Variants in OTOF observed in about 807,000 individuals in gnomAD.
OTOF encodes otoferlin.
OTOF carries 218 observed loss-of-function variants against 236.8 expected under a neutral mutation model. That is an observed-to-expected ratio of 0.92 (90% CI 0.82 to 1.03). The LOEUF is 1.03. Among genes scored for constraint, OTOF ranks in the 50% least tolerant of loss-of-function variants. The probability of loss-of-function intolerance (pLI) is 0.00; values close to 1 mark genes in which losing one functional copy is unlikely to be tolerated. For missense variants in OTOF, 2,590 were observed against 2,694.4 expected, an observed-to-expected ratio of 0.96 and a Z score of 0.86; for synonymous variants, 1,041 against 1,072.5, an observed-to-expected ratio of 0.97 and a Z score of 0.57.
In OTOF at chr2:26,462,055, C is replaced by G; in HGVS notation, c.5291+28G>C. 1 of 1,224,070 alleles carries G rather than the reference C, an allele frequency of 8.2e-7. No homozygotes were observed. The allele number at this position is 1,224,070 out of a possible 1,614,324, so 75.8% of individuals were successfully genotyped here. A position where few individuals can be genotyped will look rare whatever the true frequency, so the allele number is the denominator to read the frequency against. On this transcript the variant is annotated intron_variant, in intron 42 of 46. Coordinates refer to ENST00000272371, the MANE Select transcript of OTOF (RefSeq NM_194248.3). This position sits in a 1 kb window ranked among gnomAD's most constrained non-coding sequence, Gnocchi z 4.7. ...GGAAGCAAGCCCCACCCAGCTCAGT[C>G]CCTCCCATGCAGGGACTGCTCACCC...
At chr2:26,479,228 G>A in intron 18 of OTOF, 36 bp downstream of exon 18, 1 of 1,610,066 alleles carries the variant, frequency 6.2e-7, no homozygotes, top group Non-Finnish European at 8.5e-7. Context: ...TCTCCCCCAG[G>A]ACCCCACCCC....
Position 26,482,390 on chromosome 2 carries a change from G to A in OTOF, c.1579+16C>T. 1 of 1,612,232 alleles carries A rather than the reference G, an allele frequency of 6.2e-7. No individual in the cohort carries two copies. Among genetic ancestry groups the A allele is most frequent in the South Asian group, 1.1e-5 (1 of 91,044 alleles). Reference sequence around the variant, plus strand: ...CTCCCTCTGCCCCCCAGCACACCGGGTCTCCCGCTGCTGACCTTTGTCTCC... The same window carrying A: ...CTCCCTCTGCCCCCCAGCACACCGGATCTCCCGCTGCTGACCTTTGTCTCC... On this transcript the variant is annotated intron_variant, in intron 14 of 46. Coordinates refer to ENST00000272371, the MANE Select transcript of OTOF (RefSeq NM_194248.3).
In OTOF at chr2:26,466,722, CAT is replaced by C. The variant is rs1558472243; in HGVS notation, c.4490_4491del (p.Tyr1497CysfsTer11). The C allele has an allele frequency of 6.2e-7, 1 of 1,614,230 alleles. No homozygotes were observed. Among genetic ancestry groups the C allele is most frequent in the South Asian group, 1.1e-5 (1 of 91,086 alleles). On this transcript the variant is annotated frameshift_variant, in exon 36 of 47. Coordinates refer to ENST00000272371, the MANE Select transcript of OTOF (RefSeq NM_194248.3). LOFTEE classifies it high-confidence loss of function. ...AGCGACGGGAGTCTCACCCGGACCA[CAT>C]AGACTCGGACCAGCACATTGATGGG... Reference protein sequence around the residue: ...NDPINVLVRVYVVRATDLHPA... With the variant: ...NDPINVLVRVXVVRATDLHPA...
At chr2:26,525,925 A>T (rs949946837) in intron 3 of OTOF, among the ~76,000 whole-genome samples, 29 of 152,146 alleles carry the variant, frequency 1.9e-4, no homozygotes, top group African/African-American at 7.0e-4. Flanking sequence ...CATCTCTACT[A>T]AAAATACAAA....
intron 2 of OTOF, among the ~76,000 whole-genome samples, chr2:26,535,108 C>A (rs896355478): frequency 6.6e-6 from 1 of 152,182 alleles, no homozygotes; most frequent in African/African-American, 2.4e-5. Context: ...GCACTGCTGA[C>A]CATTGGTGGC....
At position 26,502,280 on chromosome 2, in the gene OTOF, C is replaced by A; in HGVS notation, c.710+20G>T. On this transcript the variant is annotated intron_variant, in intron 7 of 46. Transcript: ENST00000272371. ...GACAGGGTGGGGGCAGCTGGGGTTG[C>A]AGGGCTCCCGTCCACTCACCGCTTG... is the stretch of plus-strand genomic sequence containing the variant. 1 of 1,613,776 alleles carries A rather than the reference C, an allele frequency of 6.2e-7. No homozygotes were observed. The highest frequency in any genetic ancestry group is 2.2e-5 in the East Asian group (1 of 44,882).
intron 11 of OTOF, among the ~76,000 whole-genome samples, chr2:26,485,910 C>T (rs1192785601): frequency 6.6e-6 from 1 of 152,224 alleles, no homozygotes; most frequent in Non-Finnish European, 1.5e-5. Context: ...AGAACCTCAG[C>T]CAGGCTGGCA....
At chr2:26,501,727 A>G in intron 8 of OTOF, 27 bp downstream of exon 8, 7 of 1,562,604 alleles carry the variant, frequency 4.5e-6, no homozygotes, top group Non-Finnish European at 6.2e-6. Flanking sequence ...AGTCTGAAAG[A>G]CATGAGGCCT....
At chr2:26,458,614 G>C (rs576402513) in intron 46 of OTOF, among the ~76,000 whole-genome samples, 8 of 152,004 alleles carry the variant, frequency 5.3e-5, no homozygotes, top group Admixed American at 5.2e-4. Flanking sequence ...TGTTCCCACC[G>C]GGCCCTGCTG....
intron 1 of OTOF, among the ~76,000 whole-genome samples, chr2:26,558,044 C>A (rs1469888104): frequency 6.6e-6 from 1 of 151,942 alleles, no homozygotes; most frequent in Non-Finnish European, 1.5e-5. Flanking sequence ...ACTCTGGGGC[C>A]CAGGGAGCTA....
At chr2:26,518,494 C>A (rs1381336569) in intron 4 of OTOF, among the ~76,000 whole-genome samples, 1 of 152,232 alleles carries the variant, frequency 6.6e-6, no homozygotes, top group Non-Finnish European at 1.5e-5. Context: ...GCCAGGCTGT[C>A]CTGGTAGGGT....
chr2:26,511,981 A>G (rs1469740717), intron 5 of OTOF, among the ~76,000 whole-genome samples: 1 of 152,118 alleles, frequency 6.6e-6, no homozygotes, highest in Non-Finnish European at 1.5e-5. Flanking sequence ...CACCATGCAC[A>G]CGTGCCCCAC....
At chr2:26,498,172 C>T (rs1308854176) in intron 8 of OTOF, among the ~76,000 whole-genome samples, 2 of 152,312 alleles carry the variant, frequency 1.3e-5, no homozygotes, top group South Asian at 2.1e-4. Flanking sequence ...AGGCCTCATA[C>T]GTTTCTCCCT....
rs1490345470 is a variant in OTOF at position 26,460,948 on chromosome 2, C to T, written c.5616G>A (p.Glu1872=). The change falls in exon 44 of 47, where the codon GAG becomes GAA. Residue 1872 remains glutamate (E), a synonymous_variant. Coordinates refer to ENST00000272371, the MANE Select transcript of OTOF (RefSeq NM_194248.3). The surrounding 1 kb of genome is among the most constrained non-coding windows in gnomAD (Gnocchi z 5.3). ...KQCTMEMATG[E]VDVPLVSIFK... ...AGATGGACACGAGGGGCACGTCCAC[C>T]TCCCCGGTGGCCATCTCCATGGTGC... 1.9e-6 allele frequency: 3 copies of T among 1,613,984 alleles called. No homozygotes were observed. Among genetic ancestry groups the T allele is most frequent in the Non-Finnish European group, 2.5e-6 (3 of 1,180,002 alleles).
chr2:26,495,585 C>T (rs1040971228), intron 8 of OTOF, among the ~76,000 whole-genome samples: 6 of 152,226 alleles, frequency 3.9e-5, no homozygotes, highest in South Asian at 2.1e-4. Context: ...ACTACCACAC[C>T]GGGCTAATTT....
chr2:26,484,931 C>T (rs1665665381), intron 11 of OTOF, among the ~76,000 whole-genome samples: 1 of 152,138 alleles, frequency 6.6e-6, no homozygotes, highest in East Asian at 1.9e-4. Flanking sequence ...CTTCTATGGC[C>T]CCACCCCAGT....
At chr2:26,531,697 G>T (rs1184427694) in intron 2 of OTOF, among the ~76,000 whole-genome samples, 1 of 152,014 alleles carries the variant, frequency 6.6e-6, no homozygotes, top group African/African-American at 2.4e-5. Context: ...TCCTCCATTT[G>T]GGGTGATATG....
chr2:26,556,103 C>A (rs1193129064), intron 1 of OTOF, among the ~76,000 whole-genome samples: 2 of 152,206 alleles, frequency 1.3e-5, no homozygotes, highest in African/African-American at 2.4e-5. Context: ...TCTGGCCTAC[C>A]TAGGGCCACT....
At chr2:26,501,315 C>T (rs941679066) in intron 8 of OTOF, among the ~76,000 whole-genome samples, 8 of 152,328 alleles carry the variant, frequency 5.3e-5, no homozygotes, top group African/African-American at 1.9e-4. Flanking sequence ...ACAGTCTCAC[C>T]ATCCAGAGAT....
Sources: gnomAD v4.1 joint callset for allele counts (sites outside exome capture counted in the v4.1 genomes callset) on GRCh38, gnomAD v4.1.1 for gene constraint, Gnocchi (gnomAD v3.1) non-coding constraint, MANE v1.5 for transcripts, NCBI Gene and HGNC (gene_info 2026-07-23, HGNC 2026-07-21) for gene names.